The following ICA1 variants were observed in gnomAD, a reference collection of about 807,000 sequenced individuals.
ICA1 encodes the protein 69 kDa islet cell autoantigen.
In ICA1, 40 loss-of-function variants were observed where a neutral mutation model predicts 71.0. The ratio of observed to expected loss-of-function variants is 0.56; its 90% CI spans 0.44 to 0.73. The LOEUF (loss-of-function observed/expected upper bound fraction) is 0.73. Among genes scored for constraint, ICA1 ranks in the 30% least tolerant of loss-of-function variants. The pLI is 0.00. For synonymous variants in ICA1, 207 were observed against 209.5 expected, an observed-to-expected ratio of 0.99 and a Z score of 0.10; for missense variants, 578 against 576.5, an observed-to-expected ratio of 1.00 and a Z score of -0.03.
At chr7:8,188,675 A>G (rs1001610528) in intron 6 of ICA1, among the ~76,000 whole-genome samples, 2 of 152,236 alleles carry the variant, frequency 1.3e-5, no homozygotes, top group Non-Finnish European at 2.9e-5. Flanking sequence ...TTGGGAGGTA[A>G]GGAATATTTT....
chr7:8,200,434 T>TG (rs61290415), intron 6 of ICA1, among the ~76,000 whole-genome samples: 149,426 of 151,152 alleles, frequency 0.99, 73,866 homozygotes, highest in Middle Eastern at 1. Flanking sequence ...CGTGGAAGTT[T>TG]GGATTTTATG....
rs190669292 is a variant in ICA1 at position 8,161,504 on chromosome 7, C to T, written c.580-2852G>A. ...ACTCTGAGCTCGGCCATGTGACTTG[C>T]GTTGGTCAATGGGATGTTAACAAAT... On this transcript the variant is annotated intron_variant, in intron 6 of 13. Transcript: ENST00000402384. 3.3e-5 allele frequency among the ~76,000 whole-genome samples: 5 copies of T among 152,284 alleles called. No homozygotes were observed. In the East Asian group the frequency reaches 5.8e-4, roughly 18 times the overall value.
At position 8,226,377 on chromosome 7, in the gene ICA1, G is replaced by A. The variant is rs1446684748; in HGVS notation, c.256+2224C>T. On this transcript the variant is annotated intron_variant, in intron 4 of 13. Transcript: ENST00000402384. This position sits in a 1 kb window ranked among gnomAD's most constrained non-coding sequence, Gnocchi z 4.4. The stretch of plus-strand genomic sequence containing the variant: ...ATAGATATAGATGGTAAAATGTGAT[G>A]CAATGTAAAAAAATGGTAATACACA... Among the ~76,000 whole-genome samples, 2 of 152,054 alleles carry A rather than the reference G, an allele frequency of 1.3e-5. No individual in the cohort carries two copies. Among genetic ancestry groups the A allele is most frequent in the African/African-American group, 2.4e-5 (1 of 41,378 alleles).
At chr7:8,233,194 T>C (rs1800796998) in intron 2 of ICA1, among the ~76,000 whole-genome samples, 1 of 152,186 alleles carries the variant, frequency 6.6e-6, no homozygotes, top group Non-Finnish European at 1.5e-5. Context: ...GATAAGAGGC[T>C]GAAGAACAGC....
intron 8 of ICA1, among the ~76,000 whole-genome samples, chr7:8,147,626 G>A (rs1324604967): frequency 6.7e-6 from 1 of 150,282 alleles, no homozygotes; most frequent in Non-Finnish European, 1.5e-5. Context: ...AAAACCACAA[G>A]CAAAATTGAT....
intron 13 of ICA1, among the ~76,000 whole-genome samples, chr7:8,120,970 G>A (rs1300668571): frequency 6.6e-6 from 1 of 152,188 alleles, no homozygotes; most frequent in Non-Finnish European, 1.5e-5. Context: ...CCACAACCAC[G>A]TGGCCAAGCA....
chr7:8,150,090 G>A (rs1417232468), intron 8 of ICA1, among the ~76,000 whole-genome samples: 1 of 152,162 alleles, frequency 6.6e-6, no homozygotes, highest in Non-Finnish European at 1.5e-5. Context: ...AACAAGATAG[G>A]TAATATTCTT....
intron 6 of ICA1, among the ~76,000 whole-genome samples, chr7:8,181,215 C>T (rs1327957593): frequency 2.0e-5 from 3 of 152,020 alleles, no homozygotes; most frequent in South Asian, 2.1e-4. Flanking sequence ...ACTGATCCAG[C>T]GTAATTTTCT....
intron 8 of ICA1, among the ~76,000 whole-genome samples, chr7:8,146,898 A>G (rs1031821874): frequency 6.6e-6 from 1 of 151,042 alleles, no homozygotes; most frequent in African/African-American, 2.4e-5. Flanking sequence ...ACACACACAC[A>G]CACACACACT....
chr7:8,187,253 T>C (rs1027737882), intron 6 of ICA1, among the ~76,000 whole-genome samples: 2 of 152,258 alleles, frequency 1.3e-5, no homozygotes, highest in African/African-American at 4.8e-5. Flanking sequence ...ACACATGAGA[T>C]GGCCTATTTC....
chr7:8,170,733 A>G (rs1186300620), intron 6 of ICA1, among the ~76,000 whole-genome samples: 3 of 152,054 alleles, frequency 2.0e-5, no homozygotes, highest in African/African-American at 7.2e-5. Context: ...AATTTTCCAT[A>G]AAAATTCATG....
chr7:8,218,191 T>C, intron 6 of ICA1, 114 bp downstream of exon 6: 1 of 839,664 alleles, frequency 1.2e-6, no homozygotes, highest in Non-Finnish European at 2.0e-6. Flanking sequence ...CCAGCGATGA[T>C]TAATTGCATC....
At position 8,218,467 on chromosome 7, in the gene ICA1, T is replaced by C; in HGVS notation, c.417A>G (p.Gln139=). The change falls in exon 6 of 14, where the codon CAA becomes CAG. Residue 139 remains glutamine, a synonymous_variant. Coordinates refer to ENST00000402384, the MANE Select transcript of ICA1 (RefSeq NM_001136020.3). The part of the protein sequence containing the change: ...ALRNPLCRFH[Q]EVETFRHRAI... ...CCCGATGCCGAAAAGTCTCCACTTC[T>C]TGGTGAAATCGACACAAAGGATTTC... is the stretch of plus-strand genomic sequence containing the variant. The C allele has an allele frequency of 1.2e-6, 2 of 1,614,130 alleles. No homozygotes were observed. The highest frequency in any genetic ancestry group is 1.7e-6 in the Non-Finnish European group (2 of 1,179,992).
In ICA1 at chr7:8,257,056, G is replaced by T. The variant is rs116017770; in HGVS notation, c.-80+5038C>A. Among the ~76,000 whole-genome samples, 175 of 152,296 alleles carry T rather than the reference G, an allele frequency of 1.1e-3. 1 individual carries two copies. Among genetic ancestry groups the T allele is most frequent in the African/African-American group, 4.1e-3 (172 of 41,566 alleles). On this transcript the variant is annotated intron_variant, in intron 1 of 13. Coordinates refer to ENST00000402384, the MANE Select transcript of ICA1 (RefSeq NM_001136020.3). Reference sequence around the variant, plus strand: ...TTTTAACTACTCTGCTCTACTCTTGGATGAAAGGAGCTTGATTAATGGGGC... The same window carrying T: ...TTTTAACTACTCTGCTCTACTCTTGTATGAAAGGAGCTTGATTAATGGGGC...
intron 6 of ICA1, among the ~76,000 whole-genome samples, chr7:8,182,356 G>A (rs1050694919): frequency 1.3e-5 from 2 of 152,192 alleles, no homozygotes; most frequent in Non-Finnish European, 2.9e-5. Flanking sequence ...GAAGGCAGAA[G>A]CAGTGAGTGC....
intron 1 of ICA1, among the ~76,000 whole-genome samples, chr7:8,237,411 G>A (rs1408741405): frequency 1.3e-5 from 2 of 152,190 alleles, no homozygotes; most frequent in Admixed American, 6.5e-5. Context: ...ATGTCACCAT[G>A]AACTATTAGG....
intron 2 of ICA1, among the ~76,000 whole-genome samples, chr7:8,235,528 T>A (rs925304675): frequency 6.6e-6 from 1 of 152,242 alleles, no homozygotes; most frequent in Non-Finnish European, 1.5e-5. Flanking sequence ...AGAATCATTC[T>A]TTATTTTATA....
intron 6 of ICA1, among the ~76,000 whole-genome samples, chr7:8,206,830 T>A (rs1403363480): frequency 6.6e-6 from 1 of 152,160 alleles, no homozygotes; most frequent in African/African-American, 2.4e-5. Context: ...AGAGATTTCT[T>A]CATTTATTTC....
intron 8 of ICA1, among the ~76,000 whole-genome samples, chr7:8,148,551 A>G (rs1056121216): frequency 6.6e-6 from 1 of 152,202 alleles, no homozygotes; most frequent in African/African-American, 2.4e-5. Context: ...TTGATTGTAT[A>G]ATCAGCCTAT....
Sources: gnomAD v4.1 joint callset for allele counts (sites outside exome capture counted in the v4.1 genomes callset) on GRCh38, gnomAD v4.1.1 for gene constraint, Gnocchi (gnomAD v3.1) non-coding constraint, MANE v1.5 for transcripts, NCBI Gene and HGNC (gene_info 2026-07-23, HGNC 2026-07-21) for gene names.